Variants in PAK5 observed in about 807,000 individuals in gnomAD.
PAK5 encodes serine/threonine-protein kinase PAK 5.
Under a neutral mutation model 65.9 loss-of-function variants are expected in PAK5, and 16 were observed. The observed-to-expected ratio is 0.24, with a 90% CI of 0.16 to 0.37. The LOEUF is 0.37. Among genes scored for constraint, PAK5 ranks in the 10% least tolerant of loss-of-function variants. The pLI is 1.00. For missense variants in PAK5, 785 were observed against 903.9 expected (o/e 0.87, Z 1.69); for synonymous variants, 371 against 354.9 (o/e 1.05, Z -0.51).
At chr20:9,756,338 A>C (rs991447749) in intron 1 of PAK5, among the ~76,000 whole-genome samples, 1 of 152,132 alleles carries the variant, frequency 6.6e-6, no homozygotes, top group Non-Finnish European at 1.5e-5. Context: ...TGGTTCTCTG[A>C]TGCATTGGGT....
At chr20:9,801,633 C>T (rs6056896) in intron 1 of PAK5, among the ~76,000 whole-genome samples, 1 of 150,874 alleles carries the variant, frequency 6.6e-6, no homozygotes. Context: ...ATTTCTGTCA[C>T]GAAGAAAAAC....
At chr20:9,597,585 T>C (rs542279803) in intron 3 of PAK5, among the ~76,000 whole-genome samples, 1 of 152,350 alleles carries the variant, frequency 6.6e-6, no homozygotes, top group African/African-American at 2.4e-5. Context: ...TGCATGTCCT[T>C]TGGAGTGTGA....
chr20:9,585,113 C>T (rs1350769915), intron 3 of PAK5, among the ~76,000 whole-genome samples: 1 of 152,090 alleles, frequency 6.6e-6, no homozygotes. Context: ...TCAATGTTAC[C>T]TTTAGCTCTA....
intron 1 of PAK5, among the ~76,000 whole-genome samples, chr20:9,735,902 A>ATTT (rs36113165): frequency 0.026 from 3,509 of 136,954 alleles, 77 homozygotes; most frequent in African/African-American, 0.058. Context: ...GAAACAATCT[A>ATTT]TTTTTTTTTT....
chr20:9,772,502 TCAC>T (rs1569082222), intron 1 of PAK5, among the ~76,000 whole-genome samples: 1 of 152,160 alleles, frequency 6.6e-6, no homozygotes. Flanking sequence ...GAAGCTCATG[TCAC>T]CGGCTCTAAA....
At chr20:9,643,496 G>C (rs991004155) in intron 3 of PAK5, among the ~76,000 whole-genome samples, 165 of 152,180 alleles carry the variant, frequency 1.1e-3, no homozygotes, top group African/African-American at 3.6e-3. Flanking sequence ...CTGATTCTAG[G>C]ACTCAAATTA....
chr20:9,539,250 C>T lies in PAK5; in HGVS notation c.*212G>A. 1 of 521,092 alleles carries T rather than the reference C, an allele frequency of 1.9e-6. No homozygotes were observed. Among genetic ancestry groups the T allele is most frequent in the Non-Finnish European group, 3.5e-6 (1 of 288,040 alleles). 32.3% of individuals were successfully genotyped at this position (521,092 alleles called of 1,614,324 possible). ...ATAATAATGACTTATTAAAGCCGTG[C>T]TCCAAGTGACCACACCGGCTGTCAG... On this transcript the variant is annotated 3_prime_UTR_variant, in exon 10 of 10. Coordinates refer to ENST00000353224, the MANE Select transcript of PAK5 (RefSeq NM_177990.4).
chr20:9,691,426 A>C (rs2423422), intron 2 of PAK5, among the ~76,000 whole-genome samples: 52,467 of 152,070 alleles, frequency 0.35, 10,752 homozygotes, highest in African/African-American at 0.58. Context: ...GAAAATCATA[A>C]GACTCTACGG....
chr20:9,776,862 C>T (rs1213644056), intron 1 of PAK5, among the ~76,000 whole-genome samples: 1 of 152,122 alleles, frequency 6.6e-6, no homozygotes, highest in Non-Finnish European at 1.5e-5. Context: ...ATTTCTGATC[C>T]ATAGAAACTA....
chr20:9,751,981 C>T (rs1054346903), intron 1 of PAK5, among the ~76,000 whole-genome samples: 2 of 152,038 alleles, frequency 1.3e-5, no homozygotes, highest in Admixed American at 6.6e-5. Flanking sequence ...GACCAAACCT[C>T]GTGAGATAGA....
rs780864897 is a variant in PAK5 at position 9,563,006 on chromosome 20, A to T, written c.1501T>A (p.Tyr501Asn). 1.9e-6 allele frequency: 3 copies of T among 1,613,278 alleles called. No individual in the cohort carries two copies. The South Asian group carries it at 3.3e-5, about 18-fold the overall frequency. Residue 501 changes from tyrosine to asparagine, a missense_variant, in exon 6 of 10, where the codon TAC becomes AAC. By Grantham distance (143) the Tyr-to-Asn change is moderately radical. Transcript: ENST00000353224. ...ATGTCAACCACATTGTCATGGTGGTAATCCCGCATGATCACGACCTGGGGA... is the reference window on the plus strand; with the variant it reads ...ATGTCAACCACATTGTCATGGTGGTTATCCCGCATGATCACGACCTGGGGA... Reference protein sequence around the residue: ...LFNEVVIMRDYHHDNVVDMYS... With the variant: ...LFNEVVIMRDNHHDNVVDMYS...
At chr20:9,677,340 G>T (rs1241332861) in intron 2 of PAK5, among the ~76,000 whole-genome samples, 1 of 152,122 alleles carries the variant, frequency 6.6e-6, no homozygotes, top group African/African-American at 2.4e-5. Context: ...TTACTAGAGG[G>T]AGTAGAAGAG....
intron 1 of PAK5, among the ~76,000 whole-genome samples, chr20:9,716,802 G>C (rs1390295742): frequency 6.6e-6 from 1 of 152,030 alleles, no homozygotes; most frequent in Non-Finnish European, 1.5e-5. Flanking sequence ...GCAATCTGGG[G>C]GCCAGGTGTG....
In PAK5 at chr20:9,809,448, G is replaced by A. The variant is rs927330081; in HGVS notation, c.-162+29314C>T. On this transcript the variant is annotated intron_variant, in intron 1 of 9. Transcript: ENST00000353224. ...GGAGAAAACAAGAACATACCATGAG[G>A]CCACAAGTATCTGCTTTTAGAAAGT... Among the ~76,000 whole-genome samples the A allele has an allele frequency of 4.6e-5, 7 of 151,370 alleles. No individual in the cohort carries two copies. The East Asian group carries it at 5.9e-4, about 13-fold the overall frequency.
chr20:9,617,549 CTTTTTTTTTTTTT>C (rs532259417), intron 3 of PAK5, among the ~76,000 whole-genome samples: 8 of 94,614 alleles, frequency 8.5e-5, no homozygotes, highest in Middle Eastern at 0.01. Flanking sequence ...AATCCCAATC[CTTTTTTTTTTTTT>C]TTTTTTTTTT....
chr20:9,580,522 A>G lies in PAK5; in HGVS notation c.613T>C (p.Ser205Pro). Reference sequence around the variant, plus strand: ...CTGTATTCACTTGGTTTGCTCAGTGAGTCCAAATGTGAGTGATAATCGGCA... The same window carrying G: ...CTGTATTCACTTGGTTTGCTCAGTGGGTCCAAATGTGAGTGATAATCGGCA... Reference protein sequence around the residue: ...FSADYHSHLDSLSKPSEYSDL... With the variant: ...FSADYHSHLDPLSKPSEYSDL... Residue 205 changes from serine to proline, a missense_variant, in exon 4 of 10, where the codon TCA becomes CCA. Physicochemically the swap from Ser to Pro is moderately conservative, Grantham distance 74. Transcript: ENST00000353224. 1 of 1,614,174 alleles carries G rather than the reference A, an allele frequency of 6.2e-7. No individual in the cohort carries two copies.
intron 1 of PAK5, among the ~76,000 whole-genome samples, chr20:9,782,192 C>G (rs539726065): frequency 6.6e-6 from 1 of 152,278 alleles, no homozygotes; most frequent in Non-Finnish European, 1.5e-5. Flanking sequence ...CTTCCTGGAA[C>G]ATTCTTCCCC....
chr20:9,770,152 C>T (rs954629819), intron 1 of PAK5, among the ~76,000 whole-genome samples: 6 of 151,928 alleles, frequency 3.9e-5, no homozygotes, highest in Admixed American at 6.6e-5. Flanking sequence ...CTTGGGCAGG[C>T]GAAAGAGGAC....
chr20:9,683,810 C>T (rs925194128), intron 2 of PAK5, among the ~76,000 whole-genome samples: 5 of 152,230 alleles, frequency 3.3e-5, no homozygotes, highest in Admixed American at 3.3e-4. Flanking sequence ...CCTTGACTTC[C>T]TGGGATCAAG....
Sources: gnomAD v4.1 joint callset for allele counts (sites outside exome capture counted in the v4.1 genomes callset) on GRCh38, gnomAD v4.1.1 for gene constraint, MANE v1.5 for transcripts, NCBI Gene and HGNC (gene_info 2026-07-23, HGNC 2026-07-21) for gene names.